The following BMPR1B variants were observed in gnomAD, a reference collection of about 807,000 sequenced individuals.
The protein encoded by BMPR1B is bone morphogenetic protein receptor type-1B.
A neutral mutation model predicts 59.1 loss-of-function variants in BMPR1B; 12 were observed. That is an observed-to-expected ratio of 0.20 (90% CI 0.13 to 0.33). The LOEUF is 0.33. BMPR1B is among the 10% of genes least tolerant of loss of function. BMPR1B has a pLI of 1.00. For missense variants in BMPR1B, 550 were observed against 610.9 expected (o/e 0.90, Z 1.05); for synonymous variants, 237 against 207.3 (o/e 1.14, Z -1.23).
intron 2 of BMPR1B, among the ~76,000 whole-genome samples, chr4:94,922,535 T>G (rs566764097): frequency 6.6e-6 from 1 of 152,310 alleles, no homozygotes; most frequent in Admixed American, 6.5e-5. Context: ...TTATTTTTGT[T>G]CTTTCTAAGT....
intron 2 of BMPR1B, among the ~76,000 whole-genome samples, chr4:94,894,305 T>A (rs532188786): frequency 6.6e-6 from 1 of 152,084 alleles, no homozygotes; most frequent in Non-Finnish European, 1.5e-5. Flanking sequence ...GGTTACATTT[T>A]CACATAGATC....
intron 4 of BMPR1B, among the ~76,000 whole-genome samples, chr4:95,105,544 A>G (rs1249643337): frequency 6.6e-6 from 1 of 152,004 alleles, no homozygotes; most frequent in Non-Finnish European, 1.5e-5. Context: ...AAAATCTAAT[A>G]TAAGCTTACC....
At chr4:94,965,990 T>G (rs1036387114) in intron 2 of BMPR1B, among the ~76,000 whole-genome samples, 3 of 152,170 alleles carry the variant, frequency 2.0e-5, no homozygotes, top group Non-Finnish European at 4.4e-5. Flanking sequence ...TTAGAGAGAA[T>G]GGACATGCCA....
At chr4:94,894,127 T>C (rs1013403615) in intron 2 of BMPR1B, among the ~76,000 whole-genome samples, 1 of 152,066 alleles carries the variant, frequency 6.6e-6, no homozygotes, top group Non-Finnish European at 1.5e-5. Context: ...TGAAATGAAA[T>C]ACTGTAAAAG....
At chr4:94,794,781 A>G (rs949519297) in intron 1 of BMPR1B, among the ~76,000 whole-genome samples, 4 of 151,258 alleles carry the variant, frequency 2.6e-5, no homozygotes, top group Admixed American at 6.6e-5. Context: ...CTTTGAAGCA[A>G]TTGTGAATGG....
At chr4:95,092,496 A>C (rs1409805225) in intron 3 of BMPR1B, among the ~76,000 whole-genome samples, 1 of 152,154 alleles carries the variant, frequency 6.6e-6, no homozygotes, top group Non-Finnish European at 1.5e-5. Flanking sequence ...TTGTTTCACC[A>C]GAGATAGACC....
chr4:95,084,319 G>A (rs947242253), intron 3 of BMPR1B, among the ~76,000 whole-genome samples: 7 of 150,976 alleles, frequency 4.6e-5, no homozygotes, highest in African/African-American at 7.3e-5. Context: ...ATATTTATAC[G>A]TGTGTGTGTA....
chr4:95,108,550 C>CTT (rs1184353970), intron 4 of BMPR1B, among the ~76,000 whole-genome samples: 1 of 152,044 alleles, frequency 6.6e-6, no homozygotes, highest in African/African-American at 2.4e-5. Flanking sequence ...GTTTTAGAGG[C>CTT]TTGTAAACTC....
At chr4:95,143,843 C>G (rs1324861205) in intron 10 of BMPR1B, among the ~76,000 whole-genome samples, 1 of 152,170 alleles carries the variant, frequency 6.6e-6, no homozygotes, top group African/African-American at 2.4e-5. Context: ...TTTGCATTAT[C>G]AGCCGATAGC....
chr4:95,081,536 C>A (rs1439197288), intron 3 of BMPR1B, among the ~76,000 whole-genome samples: 1 of 152,144 alleles, frequency 6.6e-6, no homozygotes, highest in Non-Finnish European at 1.5e-5. Flanking sequence ...ATCTGCATAA[C>A]TGAGTGGACC....
chr4:94,887,647 G>A (rs1235573689), intron 2 of BMPR1B, among the ~76,000 whole-genome samples: 1 of 151,744 alleles, frequency 6.6e-6, no homozygotes, highest in African/African-American at 2.4e-5. Flanking sequence ...AGAGAGAATA[G>A]ATTCAAATGA....
intron 3 of BMPR1B, among the ~76,000 whole-genome samples, chr4:95,003,404 CTG>C (rs1722592120): frequency 2.0e-5 from 3 of 152,010 alleles, no homozygotes; most frequent in African/African-American, 7.3e-5. Flanking sequence ...ATTTTTATCT[CTG>C]TGGAATAAAG....
At chr4:94,981,313 C>T (rs1371434811) in intron 2 of BMPR1B, among the ~76,000 whole-genome samples, 2 of 152,054 alleles carry the variant, frequency 1.3e-5, no homozygotes, top group African/African-American at 4.8e-5. Context: ...AAGCAATCAT[C>T]CTTCCACCTC....
At chr4:94,813,921 A>G (rs185311721) in intron 1 of BMPR1B, among the ~76,000 whole-genome samples, 3 of 152,306 alleles carry the variant, frequency 2.0e-5, no homozygotes, top group African/African-American at 7.2e-5. Flanking sequence ...AGCAAGGGAA[A>G]ACAAGAATGT....
At chr4:95,038,252 A>G (rs1725405028) in intron 3 of BMPR1B, among the ~76,000 whole-genome samples, 1 of 152,098 alleles carries the variant, frequency 6.6e-6, no homozygotes, top group Admixed American at 6.6e-5. Context: ...GAAGGGGGAG[A>G]AAAAGAGCCC....
intron 2 of BMPR1B, among the ~76,000 whole-genome samples, chr4:94,886,193 T>C (rs1042188048): frequency 6.6e-6 from 1 of 152,170 alleles, no homozygotes; most frequent in African/African-American, 2.4e-5. Flanking sequence ...TGGATAGATA[T>C]AGTAAGAAAT....
chr4:94,861,502 T>C (rs1725975734), intron 1 of BMPR1B, among the ~76,000 whole-genome samples: 2 of 152,126 alleles, frequency 1.3e-5, no homozygotes, highest in Non-Finnish European at 2.9e-5. Context: ...AGAATACCTG[T>C]GCTCAGACCC....
intron 3 of BMPR1B, among the ~76,000 whole-genome samples, chr4:95,067,918 A>C (rs1217813539): frequency 2.0e-5 from 3 of 152,198 alleles, no homozygotes; most frequent in Non-Finnish European, 4.4e-5. Context: ...GGTCTGAATC[A>C]AGTTGAGAAC....
At chr4:95,120,653 T>TTCCTTCCTTC (rs1400928246) in intron 6 of BMPR1B, among the ~76,000 whole-genome samples, 65 of 116,588 alleles carry the variant, frequency 5.6e-4, no homozygotes, top group African/African-American at 1.8e-3. Context: ...TTCCTTCCTT[T>TTCCTTCCTTC]CCTTCCTTCC....
Sources: gnomAD v4.1 joint callset for allele counts (sites outside exome capture counted in the v4.1 genomes callset) on GRCh38, gnomAD v4.1.1 for gene constraint, MANE v1.5 for transcripts, NCBI Gene and HGNC (gene_info 2026-07-23, HGNC 2026-07-21) for gene names.